The following RGSL1 variants were observed in gnomAD, a reference collection of about 807,000 sequenced individuals.
RGSL1 encodes the protein regulator of G protein signaling protein-like.
RGSL1 carries 97 observed loss-of-function variants against 124.7 expected under a neutral mutation model. That is an observed-to-expected ratio of 0.78 (90% CI 0.66 to 0.92). The LOEUF is 0.92. RGSL1 is among the 40% of genes least tolerant of loss of function. The pLI, the probability that RGSL1 is intolerant of heterozygous loss-of-function variation, is 0.00. For synonymous variants in RGSL1, 424 were observed against 438.1 expected, an observed-to-expected ratio of 0.97 and a Z score of 0.40; for missense variants, 1,233 against 1,288.4, an observed-to-expected ratio of 0.96 and a Z score of 0.66.
At chr1:182,494,634 T>C (rs921063165) in intron 9 of RGSL1, among the ~76,000 whole-genome samples, 10 of 152,220 alleles carry the variant, frequency 6.6e-5, no homozygotes, top group Non-Finnish European at 2.9e-5. Flanking sequence ...CTGATACTGA[T>C]GGTAAATGGA....
rs758052766 is a variant in RGSL1, at chr1:182,554,702, G to T, written c.3197+9G>T. The T allele has an allele frequency of 1.2e-5, 19 of 1,551,584 alleles. No homozygotes were observed. The highest frequency in any genetic ancestry group is 1.6e-5 in the Non-Finnish European group (18 of 1,146,910). ...CTGCATCCCGTCCAGGGGTAGGCATGAGCTGGAAATCCTCTTCTTCAGTCC... is the reference window on the plus strand; with the variant it reads ...CTGCATCCCGTCCAGGGGTAGGCATTAGCTGGAAATCCTCTTCTTCAGTCC... On this transcript the variant is annotated intron_variant, in intron 20 of 21. Transcript: ENST00000294854.
At chr1:182,503,008 A>G (rs1440822599) in intron 9 of RGSL1, among the ~76,000 whole-genome samples, 2 of 152,220 alleles carry the variant, frequency 1.3e-5, no homozygotes, top group African/African-American at 4.8e-5. Context: ...GGCAATAACA[A>G]ATGCTGGCAA....
chr1:182,509,565 A>C (rs1657179935), intron 9 of RGSL1, among the ~76,000 whole-genome samples: 1 of 108,908 alleles, frequency 9.2e-6, no homozygotes, highest in Non-Finnish European at 1.9e-5. Context: ...TCCCTCCCGG[A>C]CGGGGTGGCT....
intron 8 of RGSL1, 87 bp downstream of exon 8, chr1:182,489,289 G>A (rs765261792): frequency 6.6e-6 from 8 of 1,206,088 alleles, no homozygotes; most frequent in East Asian, 2.5e-5. Context: ...TTTACTAAGC[G>A]TCAGCACTAT....
intron 14 of RGSL1, among the ~76,000 whole-genome samples, chr1:182,533,957 A>G (rs572338893): frequency 8.5e-5 from 13 of 152,226 alleles, no homozygotes; most frequent in African/African-American, 3.1e-4. Context: ...AAGAAAGAGG[A>G]CTGTGCAATT....
At chr1:182,519,010 T>G (rs537965883) in intron 9 of RGSL1, among the ~76,000 whole-genome samples, 1 of 147,292 alleles carries the variant, frequency 6.8e-6, no homozygotes, top group African/African-American at 2.6e-5. Context: ...TAGATTAAAA[T>G]GGGGGGGGGT....
chr1:182,466,687 A>G (rs1212946833), intron 4 of RGSL1, among the ~76,000 whole-genome samples: 1 of 152,166 alleles, frequency 6.6e-6, no homozygotes, highest in Non-Finnish European at 1.5e-5. Flanking sequence ...GAAGACATAA[A>G]CAAATGCCTC....
intron 9 of RGSL1, among the ~76,000 whole-genome samples, chr1:182,496,520 G>C (rs1655925242): frequency 6.6e-6 from 1 of 152,124 alleles, no homozygotes; most frequent in South Asian, 2.1e-4. Flanking sequence ...CCTTACTCCA[G>C]AAATTTACGG....
At chr1:182,509,800 TGGCCGGGCGGGGG>T in intron 9 of RGSL1, among the ~76,000 whole-genome samples, 3 of 108,190 alleles carry the variant, frequency 2.8e-5, no homozygotes, top group African/African-American at 7.4e-5. Flanking sequence ...ATGGGGCGGC[TGGCCGGGCGGGGG>T]GCTGACCCCC....
intron 15 of RGSL1, among the ~76,000 whole-genome samples, chr1:182,542,680 G>A (rs2102305127): frequency 6.6e-6 from 1 of 152,038 alleles, no homozygotes; most frequent in East Asian, 1.9e-4. Flanking sequence ...ATAATATTAT[G>A]TTTTCCAATC....
intron 13 of RGSL1, among the ~76,000 whole-genome samples, chr1:182,532,348 G>T (rs1659235074): frequency 2.6e-5 from 4 of 152,046 alleles, no homozygotes; most frequent in East Asian, 1.9e-4. Context: ...CCAGTTTTTA[G>T]CTCTCATGCT....
intron 4 of RGSL1, among the ~76,000 whole-genome samples, chr1:182,467,006 C>G (rs1653390931): frequency 6.6e-6 from 1 of 152,132 alleles, no homozygotes; most frequent in African/African-American, 2.4e-5. Context: ...TGAGTGAACT[C>G]CCATTCACAA....
At chr1:182,544,141 A>G (rs1275633899) in intron 15 of RGSL1, among the ~76,000 whole-genome samples, 1 of 152,024 alleles carries the variant, frequency 6.6e-6, no homozygotes, top group Non-Finnish European at 1.5e-5. Flanking sequence ...TTTATTTTCT[A>G]AACTTTCCTC....
In RGSL1 at chr1:182,527,674, C is replaced by T; in HGVS notation, c.2027C>T (p.Thr676Ile). ...RKAKIPLQFL[T>I]AVQKISIETN... Reference sequence around the variant, plus strand: ...GCTAAAATCCCATTGCAATTTCTCACAGCTGTACAGAAGATCAGTATAGAG... The same window carrying T: ...GCTAAAATCCCATTGCAATTTCTCATAGCTGTACAGAAGATCAGTATAGAG... The change falls in exon 11 of 22, where the codon ACA becomes ATA. Residue 676 changes from threonine to isoleucine, a missense_variant. Coordinates refer to ENST00000294854, the MANE Select transcript of RGSL1 (RefSeq NM_001137669.2). 6.4e-7 allele frequency: 1 copy of T among 1,551,378 alleles called. No homozygotes were observed. Among genetic ancestry groups the T allele is most frequent in the Non-Finnish European group, 8.7e-7 (1 of 1,146,614 alleles).
intron 4 of RGSL1, among the ~76,000 whole-genome samples, chr1:182,470,043 G>A (rs1270262092): frequency 6.6e-6 from 1 of 152,002 alleles, no homozygotes; most frequent in Non-Finnish European, 1.5e-5. Context: ...TGAGTAAAGA[G>A]TTTCAGTTTT....
At chr1:182,480,875 A>G (rs574305841) in intron 6 of RGSL1, among the ~76,000 whole-genome samples, 19 of 152,352 alleles carry the variant, frequency 1.2e-4, no homozygotes, top group African/African-American at 4.1e-4. Flanking sequence ...GTAGCTCAAA[A>G]AAAATCAAAA....
At chr1:182,532,817 A>G in intron 14 of RGSL1, 26 bp downstream of exon 14, 3 of 1,540,502 alleles carry the variant, frequency 1.9e-6, no homozygotes, top group Non-Finnish European at 2.6e-6. Context: ...ATTTACCCCC[A>G]CTCCCTGTTG....
intron 4 of RGSL1, among the ~76,000 whole-genome samples, chr1:182,460,437 A>G (rs555794870): frequency 5.9e-5 from 9 of 152,306 alleles, no homozygotes; most frequent in African/African-American, 2.2e-4. Flanking sequence ...TGTTTATCTC[A>G]CTGTAGCCAG....
intron 4 of RGSL1, among the ~76,000 whole-genome samples, chr1:182,461,208 A>G (rs927487993): frequency 6.6e-6 from 1 of 152,034 alleles, no homozygotes; most frequent in Non-Finnish European, 1.5e-5. Flanking sequence ...TATGGAGAAA[A>G]TTAGAAAGTA....
Sources: allele counts gnomAD v4.1 joint callset (sites outside exome capture counted in the v4.1 genomes callset), GRCh38; gene constraint gnomAD v4.1.1; transcripts MANE v1.5; gene names NCBI Gene and HGNC (gene_info 2026-07-23, HGNC 2026-07-21).